The following SNTG1 variants were observed in gnomAD, a reference collection of about 807,000 sequenced individuals.
SNTG1 encodes the protein gamma-1-syntrophin.
SNTG1 carries 39 observed loss-of-function variants against 74.7 expected under a neutral mutation model. That is an observed-to-expected ratio of 0.52 (90% CI 0.40 to 0.68). The LOEUF (loss-of-function observed/expected upper bound fraction) is 0.68, where lower values mean the gene tolerates loss of function less well. SNTG1 is among the 30% of genes least tolerant of loss of function. The pLI is 0.00. For synonymous variants in SNTG1, 254 were observed against 217.1 expected (o/e 1.17, Z -1.49); for missense variants, 685 against 609.5 (o/e 1.12, Z -1.30).
intron 18 of SNTG1, among the ~76,000 whole-genome samples, chr8:50,785,898 A>G (rs896045713): frequency 6.6e-6 from 1 of 152,070 alleles, no homozygotes; most frequent in Non-Finnish European, 1.5e-5. Flanking sequence ...TATTAATTGA[A>G]TAAGGACAAA....
chr8:50,621,725 T>G (rs2094924697), intron 13 of SNTG1, among the ~76,000 whole-genome samples: 1 of 152,198 alleles, frequency 6.6e-6, no homozygotes, highest in Non-Finnish European at 1.5e-5. Context: ...TGTAGGTAAT[T>G]CAGTACACAT....
chr8:50,424,334 T>A (rs964762547), intron 4 of SNTG1, among the ~76,000 whole-genome samples: 3 of 152,042 alleles, frequency 2.0e-5, no homozygotes, highest in Admixed American at 1.3e-4. Context: ...AAAAAGGTAA[T>A]CTCAAGAGAA....
chr8:50,789,183 A>G (rs2095684381), intron 18 of SNTG1, among the ~76,000 whole-genome samples: 3 of 151,760 alleles, frequency 2.0e-5, no homozygotes, highest in African/African-American at 7.3e-5. Context: ...TTTTGTTTCC[A>G]CTTCTCCATA....
chr8:50,228,852 G>C (rs944047470), intron 2 of SNTG1, among the ~76,000 whole-genome samples: 16 of 151,622 alleles, frequency 1.1e-4, no homozygotes, highest in African/African-American at 3.4e-4. Flanking sequence ...AGCACAGGAG[G>C]GGGAATACAT....
chr8:50,712,605 T>A lies in SNTG1; in HGVS notation c.1284+3627T>A, dbSNP rs184971008. Among the ~76,000 whole-genome samples, 142 of 152,108 alleles carry A rather than the reference T, an allele frequency of 9.3e-4. 1 individual carries two copies. Among genetic ancestry groups the A allele is most frequent in the Non-Finnish European group, 1.6e-3 (112 of 67,974 alleles). On this transcript the variant is annotated intron_variant, in intron 17 of 18. Coordinates refer to ENST00000642720, the MANE Select transcript of SNTG1 (RefSeq NM_018967.5). ...TGTATCCATCAACCCGTCATCTAGG[T>A]TTTAACCCCCACCTGCATTAGGTAT...
At chr8:50,164,092 CTTTTTTTTTTTT>C (rs3086088) in intron 1 of SNTG1, 1 of 71,984 alleles carries the variant, frequency 1.4e-5, no homozygotes, top group African/African-American at 4.8e-5. Flanking sequence ...GACACAATTT[CTTTTTTTTTTTT>C]TTTTTTTTTT....
intron 2 of SNTG1, among the ~76,000 whole-genome samples, chr8:50,238,968 C>T (rs745708918): frequency 6.6e-6 from 1 of 151,940 alleles, no homozygotes; most frequent in Admixed American, 6.6e-5. Flanking sequence ...GTGAGAATGG[C>T]GATTATTAAA....
intron 17 of SNTG1, among the ~76,000 whole-genome samples, chr8:50,709,347 T>A (rs1484151523): frequency 6.6e-6 from 1 of 152,044 alleles, no homozygotes; most frequent in East Asian, 1.9e-4. Flanking sequence ...CTGCATCAAC[T>A]TCTGCAATAC....
At chr8:50,571,646 T>A (rs2094549581) in intron 12 of SNTG1, among the ~76,000 whole-genome samples, 1 of 152,148 alleles carries the variant, frequency 6.6e-6, no homozygotes, top group South Asian at 2.1e-4. Context: ...CCCTAATCAA[T>A]TGTTAACATG....
At chr8:50,599,128 C>T (rs181380947) in intron 13 of SNTG1, among the ~76,000 whole-genome samples, 7 of 152,028 alleles carry the variant, frequency 4.6e-5, no homozygotes, top group East Asian at 1.9e-4. Context: ...CTGTCATTTC[C>T]GCCAATGTAT....
At chr8:50,089,723 G>A (rs2079642417) in intron 1 of SNTG1, among the ~76,000 whole-genome samples, 1 of 152,154 alleles carries the variant, frequency 6.6e-6, no homozygotes, top group African/African-American at 2.4e-5. Flanking sequence ...TCTCACACCA[G>A]TTAGAATGGC....
At chr8:50,781,783 C>A (rs911778483) in intron 18 of SNTG1, among the ~76,000 whole-genome samples, 3 of 152,160 alleles carry the variant, frequency 2.0e-5, no homozygotes, top group African/African-American at 4.8e-5. Context: ...TTCGTTGATG[C>A]AGTTTCTTCC....
At chr8:49,936,283 C>CT (rs1237853669) in intron 1 of SNTG1, among the ~76,000 whole-genome samples, 7 of 151,728 alleles carry the variant, frequency 4.6e-5, no homozygotes, top group East Asian at 3.9e-4. Context: ...GAACATTTTC[C>CT]TTTTTTTTAA....
chr8:50,114,097 C>G (rs573653487), intron 1 of SNTG1, among the ~76,000 whole-genome samples: 1 of 152,120 alleles, frequency 6.6e-6, no homozygotes, highest in East Asian at 1.9e-4. Context: ...TAATAACTAA[C>G]AATTCACCCA....
chr8:50,449,842 C>A (rs2093439519), intron 6 of SNTG1, 117 bp downstream of exon 6: 3 of 892,240 alleles, frequency 3.4e-6, no homozygotes, highest in Non-Finnish European at 3.2e-6. Context: ...AGCTTCCCCA[C>A]CTTCAGGCAT....
At chr8:50,173,960 G>GT (rs2082900707) in intron 2 of SNTG1, among the ~76,000 whole-genome samples, 1 of 152,118 alleles carries the variant, frequency 6.6e-6, no homozygotes, top group African/African-American at 2.4e-5. Context: ...CATGCAGTAG[G>GT]TATTTGTCCT....
intron 1 of SNTG1, among the ~76,000 whole-genome samples, chr8:50,079,890 C>T (rs1449365048): frequency 6.6e-6 from 1 of 152,114 alleles, no homozygotes; most frequent in Non-Finnish European, 1.5e-5. Context: ...GGCTTCTGTT[C>T]TATTCCATTG....
At chr8:49,940,067 G>T (rs1299733898) in intron 1 of SNTG1, among the ~76,000 whole-genome samples, 2 of 152,296 alleles carry the variant, frequency 1.3e-5, no homozygotes, top group South Asian at 2.1e-4. Context: ...ATCAGGCTTT[G>T]GTCTGTATAA....
At chr8:50,781,992 G>C (rs1248213503) in intron 18 of SNTG1, among the ~76,000 whole-genome samples, 2 of 152,122 alleles carry the variant, frequency 1.3e-5, no homozygotes, top group African/African-American at 4.8e-5. Context: ...ATGAAATTCT[G>C]GGTTGAACAT....
Sources: allele counts gnomAD v4.1 joint callset (sites outside exome capture counted in the v4.1 genomes callset), GRCh38; gene constraint gnomAD v4.1.1; transcripts MANE v1.5; gene names NCBI Gene and HGNC (gene_info 2026-07-23, HGNC 2026-07-21).